The following IPO11 variants were observed in gnomAD, a reference collection of about 807,000 sequenced individuals.
IPO11 encodes the protein importin-11.
Under a neutral mutation model 143.2 loss-of-function variants are expected in IPO11, and 66 were observed. That is an observed-to-expected ratio of 0.46 (90% CI 0.38 to 0.57). IPO11 has a LOEUF of 0.57. IPO11 is among the 20% of genes least tolerant of loss of function. The pLI is 0.00. For synonymous variants in IPO11, 385 were observed against 377.8 expected, an observed-to-expected ratio of 1.02 and a Z score of -0.22; for missense variants, 1,026 against 1,141.0, an observed-to-expected ratio of 0.90 and a Z score of 1.45.
chr5:62,443,851 G>T (rs984190185), intron 3 of IPO11, among the ~76,000 whole-genome samples: 3 of 152,138 alleles, frequency 2.0e-5, no homozygotes, highest in African/African-American at 7.2e-5. Flanking sequence ...TTGTAGACAT[G>T]ACCCTGGGAT....
chr5:62,488,094 A>G lies in IPO11; in HGVS notation c.1309+233A>G, dbSNP rs1216185029. On this transcript the variant is annotated intron_variant, in intron 13 of 29. Transcript: ENST00000325324. ...CCTGTAGTAAATACAATAGAAGCAA[A>G]AGCAAAACAGTAGTCATACTGCTTG... 3.3e-5 allele frequency among the ~76,000 whole-genome samples: 5 copies of G among 152,206 alleles called. No homozygotes were observed. The East Asian group carries it at 9.6e-4, about 29-fold the overall frequency.
At chr5:62,575,719 C>T (rs1233306182) in intron 27 of IPO11, among the ~76,000 whole-genome samples, 4 of 152,154 alleles carry the variant, frequency 2.6e-5, no homozygotes, top group Non-Finnish European at 5.9e-5. Flanking sequence ...ACATGGTGCT[C>T]ATCTGTTTCT....
chr5:62,515,209 C>T (rs1429773944), intron 19 of IPO11, among the ~76,000 whole-genome samples, 179 bp from the exon 20 acceptor site: 1 of 151,928 alleles, frequency 6.6e-6, no homozygotes, highest in East Asian at 1.9e-4. Context: ...TACTATAGAG[C>T]CCTGGGCTTT....
chr5:62,433,149 T>G (rs1184228730), intron 1 of IPO11, among the ~76,000 whole-genome samples: 11 of 151,784 alleles, frequency 7.2e-5, no homozygotes, highest in Non-Finnish European at 1.5e-4. Context: ...CCTTTTTGTT[T>G]TTTGTTTTTT....
At chr5:62,417,836 T>C (rs153873) in intron 1 of IPO11, among the ~76,000 whole-genome samples, 13,759 of 152,224 alleles carry the variant, frequency 0.09, 675 homozygotes, top group East Asian at 0.14. Flanking sequence ...TATTTCAACC[T>C]TCCTGACATT....
chr5:62,477,924 T>A (rs957669753), intron 9 of IPO11, among the ~76,000 whole-genome samples: 1 of 152,202 alleles, frequency 6.6e-6, no homozygotes, highest in African/African-American at 2.4e-5. Context: ...TAAAGCTTTT[T>A]AAATTAGAAC....
At chr5:62,572,945 C>G (rs548599351) in intron 27 of IPO11, among the ~76,000 whole-genome samples, 3 of 152,130 alleles carry the variant, frequency 2.0e-5, no homozygotes, top group Non-Finnish European at 4.4e-5. Context: ...TTTTTTGTTT[C>G]ATTTTCTCAA....
In IPO11 at chr5:62,598,377, TTGCTTGCTTGC is replaced by T. The variant is rs1439614545; in HGVS notation, c.2679-3385_2679-3375del. On this transcript the variant is annotated intron_variant, in intron 28 of 29. Coordinates refer to ENST00000325324, the MANE Select transcript of IPO11 (RefSeq NM_016338.5). The stretch of plus-strand genomic sequence containing the variant: ...TTATGTGAAACGACCCATAAATTGT[TTGCTTGCTTGC>T]TTGCTTTCTTTCTTTCTTTCTTTCT... 7.5e-4 allele frequency among the ~76,000 whole-genome samples: 2 copies of T among 2,674 alleles called. 1 individual carries two copies. Among genetic ancestry groups the T allele is most frequent in the Non-Finnish European group, 1.3e-3 (2 of 1,492 alleles). The allele number at this position is 2,674 out of a possible 152,430, so 1.8% of individuals were successfully genotyped here.
chr5:62,419,280 G>T (rs1180511592), intron 1 of IPO11, among the ~76,000 whole-genome samples: 1 of 152,206 alleles, frequency 6.6e-6, no homozygotes, highest in Non-Finnish European at 1.5e-5. Flanking sequence ...TGAGTGAGTG[G>T]TGAGTGAAAG....
intron 24 of IPO11, among the ~76,000 whole-genome samples, chr5:62,543,662 G>C (rs187625): frequency 6.6e-6 from 1 of 152,030 alleles, no homozygotes; most frequent in African/African-American, 2.4e-5. Context: ...ATTTTTTGAA[G>C]GGTTTTTTGT....
intron 7 of IPO11, among the ~76,000 whole-genome samples, chr5:62,473,437 A>C (rs1409623172): frequency 6.6e-6 from 1 of 152,190 alleles, no homozygotes; most frequent in Non-Finnish European, 1.5e-5. Context: ...GTCTGAGAGC[A>C]GTACTCTTGA....
intron 24 of IPO11, among the ~76,000 whole-genome samples, chr5:62,545,346 G>C (rs537662919): frequency 1.0e-3 from 153 of 152,222 alleles, no homozygotes; most frequent in African/African-American, 3.5e-3. Context: ...CAAGCAATGG[G>C]GAAAGGATTC....
At chr5:62,467,773 A>G (rs1416683525) in intron 6 of IPO11, among the ~76,000 whole-genome samples, 7 of 152,102 alleles carry the variant, frequency 4.6e-5, no homozygotes, top group Non-Finnish European at 1.0e-4. Flanking sequence ...GCTTGCAGGC[A>G]TTCCCTTAGC....
intron 24 of IPO11, among the ~76,000 whole-genome samples, chr5:62,538,827 T>C (rs934394082): frequency 5.3e-5 from 8 of 152,194 alleles, no homozygotes; most frequent in African/African-American, 1.7e-4. Context: ...TGATAAGTGG[T>C]GCATGACTGT....
intron 5 of IPO11, among the ~76,000 whole-genome samples, chr5:62,453,610 G>A (rs529547347): frequency 6.6e-6 from 1 of 152,170 alleles, no homozygotes; most frequent in South Asian, 2.1e-4. Flanking sequence ...AGGGAAGGGG[G>A]TGGGAAAAGC....
At chr5:62,613,877 A>G (rs558427568) in intron 29 of IPO11, among the ~76,000 whole-genome samples, 2 of 152,244 alleles carry the variant, frequency 1.3e-5, no homozygotes, top group Non-Finnish European at 2.9e-5. Flanking sequence ...TAAACTCATG[A>G]ATCAGTGACC....
At chr5:62,424,645 A>C (rs1743653113) in intron 1 of IPO11, among the ~76,000 whole-genome samples, 1 of 149,474 alleles carries the variant, frequency 6.7e-6, no homozygotes, top group Non-Finnish European at 1.5e-5. Flanking sequence ...TGTTGCCCGG[A>C]CTGCCAGGCT....
intron 22 of IPO11, among the ~76,000 whole-genome samples, chr5:62,535,478 T>C (rs556806263): frequency 1.4e-3 from 206 of 152,286 alleles, no homozygotes; most frequent in Non-Finnish European, 2.5e-3. Flanking sequence ...TTATCTAATA[T>C]AAAGGCCCCC....
chr5:62,570,689 G>A (rs73108066), intron 27 of IPO11, among the ~76,000 whole-genome samples: 4,897 of 152,182 alleles, frequency 0.032, 261 homozygotes, highest in African/African-American at 0.11. Flanking sequence ...TTGATACTAC[G>A]TTCTCAATGC....
Sources: allele counts gnomAD v4.1 joint callset (sites outside exome capture counted in the v4.1 genomes callset), GRCh38; gene constraint gnomAD v4.1.1; transcripts MANE v1.5; gene names NCBI Gene and HGNC (gene_info 2026-07-23, HGNC 2026-07-21).